MLLT3: variants seen among roughly 807,000 people sequenced by gnomAD.
MLLT3 encodes MLLT3 super elongation complex subunit.
MLLT3 carries 4 observed loss-of-function variants against 53.2 expected under a neutral mutation model. The ratio of observed to expected loss-of-function variants is 0.08; its 90% CI spans 0.04 to 0.17. The LOEUF (loss-of-function observed/expected upper bound fraction) is 0.17. MLLT3 is among the 10% of genes least tolerant of loss of function. MLLT3 has a pLI of 1.00. For synonymous variants in MLLT3, 283 were observed against 230.6 expected, an observed-to-expected ratio of 1.23 and a Z score of -2.06; for missense variants, 569 against 684.0, an observed-to-expected ratio of 0.83 and a Z score of 1.87.
At chr9:20,396,827 G>T (rs756944608) in intron 5 of MLLT3, among the ~76,000 whole-genome samples, 1 of 152,080 alleles carries the variant, frequency 6.6e-6, no homozygotes, top group Non-Finnish European at 1.5e-5. Context: ...GTTGTTGCTG[G>T]AGTAAGGCTT....
chr9:20,444,481 C>T (rs1345960962), intron 4 of MLLT3, among the ~76,000 whole-genome samples: 2 of 152,078 alleles, frequency 1.3e-5, no homozygotes, highest in African/African-American at 4.8e-5. Flanking sequence ...TAATAACATA[C>T]AAAAATTTAT....
At chr9:20,482,735 T>G (rs547774439) in intron 2 of MLLT3, among the ~76,000 whole-genome samples, 1 of 152,280 alleles carries the variant, frequency 6.6e-6, no homozygotes, top group African/African-American at 2.4e-5. Flanking sequence ...ATTAGCGGAT[T>G]GTTTTCATTT....
intron 2 of MLLT3, among the ~76,000 whole-genome samples, chr9:20,573,828 C>A (rs1563824739): frequency 6.6e-6 from 1 of 152,188 alleles, no homozygotes; most frequent in Non-Finnish European, 1.5e-5. Context: ...ATTTAATCCT[C>A]ATCAAAACCC....
In MLLT3 at chr9:20,571,096, A is replaced by C. The variant is rs999200659; in HGVS notation, c.193+49558T>G. ...AGTGGCTTAGTTACACACAGAAAAA[A>C]ACAAGGACCACCACGTGTACTCACA... On this transcript the variant is annotated intron_variant, in intron 2 of 10. Coordinates refer to ENST00000380338, the MANE Select transcript of MLLT3 (RefSeq NM_004529.4). 2.0e-5 allele frequency among the ~76,000 whole-genome samples: 3 copies of C among 152,378 alleles called. No homozygotes were observed. The East Asian group carries it at 5.8e-4, about 29-fold the overall frequency.
intron 2 of MLLT3, among the ~76,000 whole-genome samples, chr9:20,535,891 C>A (rs563272861): frequency 6.6e-5 from 10 of 152,202 alleles, no homozygotes; most frequent in African/African-American, 2.4e-4. Flanking sequence ...ATAAATTAGA[C>A]CCAATGAGGT....
At chr9:20,444,956 T>G (rs965356206) in intron 4 of MLLT3, among the ~76,000 whole-genome samples, 2 of 151,658 alleles carry the variant, frequency 1.3e-5, no homozygotes, top group African/African-American at 4.9e-5. Context: ...GTAAATGTGG[T>G]GGCGTGCATC....
intron 2 of MLLT3, among the ~76,000 whole-genome samples, chr9:20,593,466 T>G (rs756302711): frequency 2.0e-5 from 3 of 152,198 alleles, no homozygotes; most frequent in Non-Finnish European, 4.4e-5. Flanking sequence ...AAAATAATTT[T>G]TCTTGCTGCA....
intron 2 of MLLT3, among the ~76,000 whole-genome samples, chr9:20,475,180 A>T (rs946087394): frequency 6.6e-6 from 1 of 151,916 alleles, no homozygotes; most frequent in Non-Finnish European, 1.5e-5. Flanking sequence ...GTTATTTGTG[A>T]TGGGATGGCA....
intron 2 of MLLT3, among the ~76,000 whole-genome samples, chr9:20,472,015 T>C (rs1693732626): frequency 6.6e-6 from 1 of 152,070 alleles, no homozygotes; most frequent in African/African-American, 2.4e-5. Flanking sequence ...TGACATAAAT[T>C]TGGAAGTTCT....
At chr9:20,444,010 T>C (rs1408056753) in intron 4 of MLLT3, among the ~76,000 whole-genome samples, 1 of 152,210 alleles carries the variant, frequency 6.6e-6, no homozygotes, top group Non-Finnish European at 1.5e-5. Context: ...TAATAAATTT[T>C]AGTTCCCCAA....
intron 2 of MLLT3, among the ~76,000 whole-genome samples, chr9:20,499,153 T>C (rs1480651908): frequency 1.3e-5 from 2 of 152,208 alleles, no homozygotes; most frequent in African/African-American, 2.4e-5. Context: ...CCTGCCTCTG[T>C]ATCTTCATAT....
At chr9:20,400,117 G>C (rs188245194) in intron 5 of MLLT3, among the ~76,000 whole-genome samples, 12 of 151,710 alleles carry the variant, frequency 7.9e-5, no homozygotes, top group Middle Eastern at 3.4e-3. Flanking sequence ...AGATGGTCTG[G>C]CCCAGAAAAA....
Position 20,346,331 on chromosome 9 carries a change from A to C in MLLT3, c.*112T>G, listed in dbSNP as rs894055825. The C allele has an allele frequency of 1.8e-6, 2 of 1,102,160 alleles. No homozygotes were observed. The highest frequency in any genetic ancestry group is 2.5e-6 in the Non-Finnish European group (2 of 796,830). The allele number at this position is 1,102,160 out of a possible 1,614,324, so 68.3% of individuals were successfully genotyped here. A position where few individuals can be genotyped will look rare whatever the true frequency, so the allele number is the denominator to read the frequency against. Reference sequence around the variant, plus strand: ...TTTTTATTTTTTCCCTTTTGGTTGCATCATTTTGAGTGTTTTCATATAAAC... The same window carrying C: ...TTTTTATTTTTTCCCTTTTGGTTGCCTCATTTTGAGTGTTTTCATATAAAC... On this transcript the variant is annotated 3_prime_UTR_variant, in exon 11 of 11. Transcript: ENST00000380338.
At chr9:20,455,693 G>A (rs900989594) in intron 3 of MLLT3, among the ~76,000 whole-genome samples, 1 of 152,040 alleles carries the variant, frequency 6.6e-6, no homozygotes, top group African/African-American at 2.4e-5. Context: ...TGATATCTCT[G>A]GAGGAAAAAT....
intron 2 of MLLT3, among the ~76,000 whole-genome samples, chr9:20,554,253 T>C (rs1819000133): frequency 6.6e-6 from 1 of 152,160 alleles, no homozygotes; most frequent in African/African-American, 2.4e-5. Flanking sequence ...TGCTTTCATT[T>C]CACCTTTAAA....
chr9:20,530,909 G>C (rs1276734755), intron 2 of MLLT3, among the ~76,000 whole-genome samples: 1 of 152,090 alleles, frequency 6.6e-6, no homozygotes, highest in South Asian at 2.1e-4. Flanking sequence ...GGGATTACAG[G>C]TGTGAGCCAT....
At chr9:20,590,998 C>T (rs894717482) in intron 2 of MLLT3, among the ~76,000 whole-genome samples, 1 of 152,052 alleles carries the variant, frequency 6.6e-6, no homozygotes, top group African/African-American at 2.4e-5. Flanking sequence ...AATCCTTCCA[C>T]GTCAACCTCC....
At chr9:20,348,191 T>C (rs754346348) in intron 10 of MLLT3, among the ~76,000 whole-genome samples, 20 of 152,226 alleles carry the variant, frequency 1.3e-4, no homozygotes, top group Non-Finnish European at 2.5e-4. Flanking sequence ...CAACAACAGA[T>C]GCTGCAAACT....
At chr9:20,511,025 C>T (rs1825522345) in intron 2 of MLLT3, among the ~76,000 whole-genome samples, 1 of 152,026 alleles carries the variant, frequency 6.6e-6, no homozygotes, top group Non-Finnish European at 1.5e-5. Flanking sequence ...ATCTATTAAC[C>T]TCAAAATAAG....
Sources: gnomAD v4.1 joint callset for allele counts (sites outside exome capture counted in the v4.1 genomes callset) on GRCh38, gnomAD v4.1.1 for gene constraint, MANE v1.5 for transcripts, NCBI Gene and HGNC (gene_info 2026-07-23, HGNC 2026-07-21) for gene names.